WWP2: variants seen among roughly 807,000 people sequenced by gnomAD.
WWP2 encodes the protein NEDD4-like E3 ubiquitin-protein ligase WWP2.
In WWP2, 57 loss-of-function variants were observed where a neutral mutation model predicts 121.0. That is an observed-to-expected ratio of 0.47 (90% confidence interval 0.38 to 0.59). WWP2 has a LOEUF of 0.59. Ranked by LOEUF, WWP2 falls within the 20% of genes least tolerant of loss-of-function variation. The probability of loss-of-function intolerance (pLI) is 0.00; values close to 1 mark genes in which losing one functional copy is unlikely to be tolerated. For missense variants in WWP2, 962 were observed against 1,158.9 expected, an observed-to-expected ratio of 0.83 and a Z score of 2.47; for synonymous variants, 449 against 441.3, an observed-to-expected ratio of 1.02 and a Z score of -0.22.
intron 4 of WWP2, among the ~76,000 whole-genome samples, chr16:69,828,924 T>C (rs2056749385): frequency 6.6e-6 from 1 of 152,148 alleles, no homozygotes; most frequent in African/African-American, 2.4e-5. Context: ...CTGACGACTC[T>C]CTTGGTGTTT....
intron 2 of WWP2, among the ~76,000 whole-genome samples, chr16:69,794,908 A>T (rs1455066962): frequency 6.6e-6 from 1 of 152,080 alleles, no homozygotes; most frequent in East Asian, 1.9e-4. Context: ...GAATTGGGGG[A>T]AAAATGGCTT....
intron 2 of WWP2, 53 bp downstream of exon 2, chr16:69,787,133 G>C (rs1338732545): frequency 1.6e-5 from 24 of 1,529,860 alleles, no homozygotes; most frequent in Non-Finnish European, 2.1e-5. Flanking sequence ...GGAAGAGGGA[G>C]AATCTAACCA....
chr16:69,791,535 T>C (rs2055911079), intron 2 of WWP2, among the ~76,000 whole-genome samples: 1 of 151,988 alleles, frequency 6.6e-6, no homozygotes, highest in Non-Finnish European at 1.5e-5. Flanking sequence ...GCCTCTTTTC[T>C]TTTTTTGAGA....
intron 4 of WWP2, among the ~76,000 whole-genome samples, chr16:69,832,583 T>A (rs968612038): frequency 1.1e-4 from 16 of 152,210 alleles, no homozygotes; most frequent in Admixed American, 9.2e-4. Flanking sequence ...ACTCCATCAC[T>A]CAGTCCGGAG....
intron 1 of WWP2, among the ~76,000 whole-genome samples, chr16:69,772,628 A>C (rs2055441395): frequency 6.6e-6 from 1 of 152,164 alleles, no homozygotes; most frequent in South Asian, 2.1e-4. Flanking sequence ...TATGCAAGTT[A>C]AGGAGTGGGC....
intron 1 of WWP2, among the ~76,000 whole-genome samples, chr16:69,775,847 C>T (rs1408546608): frequency 6.6e-6 from 1 of 152,142 alleles, no homozygotes; most frequent in Non-Finnish European, 1.5e-5. Flanking sequence ...GATAAATAGT[C>T]CATTAGTATT....
intron 4 of WWP2, among the ~76,000 whole-genome samples, chr16:69,810,757 CT>C (rs769856069): frequency 2.1e-3 from 247 of 117,140 alleles, no homozygotes; most frequent in East Asian, 2.1e-3. Flanking sequence ...GAGGAATTTT[CT>C]TTTTTTTTTT....
chr16:69,864,406 T>G (rs1478985720), intron 6 of WWP2, among the ~76,000 whole-genome samples: 1 of 152,178 alleles, frequency 6.6e-6, no homozygotes. Flanking sequence ...GTTGTCAGTT[T>G]GCATGCCAAG....
intron 4 of WWP2, among the ~76,000 whole-genome samples, chr16:69,831,253 A>G (rs1041401447): frequency 2.0e-5 from 3 of 152,240 alleles, no homozygotes; most frequent in African/African-American, 4.8e-5. Context: ...ATTAGGAACC[A>G]AAAGAAAACA....
intron 11 of WWP2, chr16:69,926,137 G>A (rs1255998747): frequency 2.0e-5 from 3 of 152,228 alleles, no homozygotes; most frequent in East Asian, 3.8e-4. Flanking sequence ...TTTGCTGACA[G>A]TGAGTTAAGG....
At chr16:69,924,958 T>A in intron 10 of WWP2, 1 of 987,792 alleles carries the variant, frequency 1.0e-6, no homozygotes, top group Non-Finnish European at 1.2e-6. Context: ...CTTGTGGGAA[T>A]GATTTCATTG....
At chr16:69,871,763 C>T (rs771348015) in intron 6 of WWP2, 41 bp from the exon 7 acceptor site, 2 of 1,609,826 alleles carry the variant, frequency 1.2e-6, no homozygotes, top group Non-Finnish European at 1.7e-6. Flanking sequence ...GTCCTTTTCA[C>T]AGTGACTTAT....
At chr16:69,880,041 T>C (rs980402830) in intron 7 of WWP2, among the ~76,000 whole-genome samples, 5 of 151,722 alleles carry the variant, frequency 3.3e-5, no homozygotes, top group African/African-American at 9.7e-5. Flanking sequence ...ATAAATACTT[T>C]TTTCTGTTTT....
chr16:69,930,363 A>G (rs988865085), intron 13 of WWP2, 105 bp downstream of exon 13: 87 of 1,493,348 alleles, frequency 5.8e-5, no homozygotes, highest in Middle Eastern at 3.8e-4. Context: ...GGTGCGTTCT[A>G]CTGCCCTTAC....
chr16:69,920,363 C>T (rs1407812938), intron 10 of WWP2, among the ~76,000 whole-genome samples: 1 of 152,164 alleles, frequency 6.6e-6, no homozygotes, highest in Non-Finnish European at 1.5e-5. Context: ...CCATGCCTGC[C>T]ACACATGCCT....
rs926543021 is a variant in WWP2, at chr16:69,902,351, A to G, written c.915-6410A>G. 3.3e-5 allele frequency among the ~76,000 whole-genome samples: 5 copies of G among 152,224 alleles called. No homozygotes were observed. In the East Asian group the frequency reaches 7.7e-4, roughly 23 times the overall value. On this transcript the variant is annotated intron_variant, in intron 8 of 23. Transcript: ENST00000359154. ...ATATACAACTGAACCAAGGGCAGCT[A>G]CAATCCATCAGTGCAAAGGTAATTT...
chr16:69,884,266 G>A (rs1027195113), intron 7 of WWP2, among the ~76,000 whole-genome samples: 2 of 152,158 alleles, frequency 1.3e-5, no homozygotes, highest in African/African-American at 4.8e-5. Context: ...CTAACTTGAA[G>A]AGCTTCGTTC....
intron 7 of WWP2, among the ~76,000 whole-genome samples, chr16:69,872,497 G>A (rs1326989327): frequency 2.0e-5 from 3 of 152,232 alleles, no homozygotes; most frequent in Non-Finnish European, 4.4e-5. Flanking sequence ...TTACAGACGT[G>A]AGCCACTGCG....
chr16:69,763,504 T>C (rs1349722887), intron 1 of WWP2, among the ~76,000 whole-genome samples: 5 of 152,240 alleles, frequency 3.3e-5, no homozygotes, highest in African/African-American at 1.2e-4. Flanking sequence ...CGTTTTGGGT[T>C]ACAAGTAGGA....
Sources: gnomAD v4.1 joint callset for allele counts (sites outside exome capture counted in the v4.1 genomes callset) on GRCh38, gnomAD v4.1.1 for gene constraint, MANE v1.5 for transcripts, NCBI Gene and HGNC (gene_info 2026-07-23, HGNC 2026-07-21) for gene names.